The following CEACAM21 variants were observed in gnomAD, a reference collection of about 807,000 sequenced individuals.
CEACAM21 encodes the protein CEA cell adhesion molecule 21, also known as cell adhesion molecule CEACAM21.
In CEACAM21, 38 loss-of-function variants were observed where a neutral mutation model predicts 33.2. That is an observed-to-expected ratio of 1.14 (90% CI 0.88 to 1.50). CEACAM21 has a LOEUF of 1.50. Among genes scored for constraint, CEACAM21 ranks in the 40% most tolerant of loss-of-function variants. The pLI is 0.00. For missense variants in CEACAM21, 385 were observed against 364.6 expected (o/e 1.06, Z -0.46); for synonymous variants, 156 against 143.0 (o/e 1.09, Z -0.65).
At chr19:41,550,530 G>T (rs1165562105) in intron 1 of CEACAM21, 4 of 152,242 alleles carry the variant, frequency 2.6e-5, no homozygotes, top group Admixed American at 1.3e-4. Context: ...CAGCACTTTG[G>T]GAGGCTGAGA....
At chr19:41,551,160 C>CTTTTTT (rs201162244) in intron 1 of CEACAM21, 2 of 129,352 alleles carry the variant, frequency 1.5e-5, no homozygotes, top group Middle Eastern at 4.0e-3. Context: ...TTTCCTTTTC[C>CTTTTTT]TTTTTTTTTT....
chr19:41,567,751 T>C (rs1021318595), intron 2 of CEACAM21, among the ~76,000 whole-genome samples: 1 of 152,246 alleles, frequency 6.6e-6, no homozygotes, highest in African/African-American at 2.4e-5. Flanking sequence ...GCCAGAAATT[T>C]GGCTTATGGC....
Position 41,577,350 on chromosome 19 carries a change from C to A in CEACAM21, c.215C>A (p.Thr72Lys). Residue 72 changes from threonine to lysine, a missense_variant, in exon 2 of 7, where the codon ACG becomes AAG. Transcript: ENST00000401445. ...AGCTATGGCTGGTACAAAGGGAAAA[C>A]GGTGGAGCCCAACCAGCTAATCGCA... ...LYSYGWYKGKTVEPNQLIAAY... is the reference protein window; with the variant it reads ...LYSYGWYKGKKVEPNQLIAAY... 1 of 1,613,966 alleles carries A rather than the reference C, an allele frequency of 6.2e-7. No individual in the cohort carries two copies.
chr19:41,575,182 C>G (rs1259072236), upstream of CEACAM21, among the ~76,000 whole-genome samples: 1 of 150,656 alleles, frequency 6.6e-6, no homozygotes, highest in Non-Finnish European at 1.5e-5. Context: ...GTGGGTGGGG[C>G]AGGGGGAAGT....
At chr19:41,551,736 G>T (rs1023260640) in intron 1 of CEACAM21, 6 of 152,190 alleles carry the variant, frequency 3.9e-5, no homozygotes, top group African/African-American at 1.4e-4. Flanking sequence ...GCCTCAAGGG[G>T]CATTTCCTAA....
At chr19:41,580,848 C>T (rs985626174) in intron 3 of CEACAM21, among the ~76,000 whole-genome samples, 1 of 152,218 alleles carries the variant, frequency 6.6e-6, no homozygotes, top group African/African-American at 2.4e-5. Context: ...ACTCCAGGTC[C>T]CTCCCCAGGG....
intron 1 of CEACAM21, among the ~76,000 whole-genome samples, chr19:41,576,908 T>C (rs1555791252): frequency 1.3e-5 from 2 of 152,176 alleles, no homozygotes; most frequent in Non-Finnish European, 2.9e-5. Context: ...CCAGGGTCTC[T>C]AGAGGAGGCT....
intron 1 of CEACAM21, among the ~76,000 whole-genome samples, chr19:41,564,434 G>A (rs548273440): frequency 2.0e-5 from 3 of 152,094 alleles, no homozygotes; most frequent in East Asian, 3.9e-4. Flanking sequence ...CTGCGTTACC[G>A]TTCGGCAGGT....
chr19:41,576,478 A>G, intron 1 of CEACAM21, 140 bp downstream of exon 1: 1 of 885,672 alleles, frequency 1.1e-6, no homozygotes, highest in Non-Finnish European at 1.6e-6. Flanking sequence ...AAGGAGAACC[A>G]AAAAATCTAA....
chr19:41,565,918 C>G (rs1305749111), intron 2 of CEACAM21, among the ~76,000 whole-genome samples: 4 of 127,320 alleles, frequency 3.1e-5, no homozygotes, highest in Non-Finnish European at 4.6e-5. Flanking sequence ...AAACATCATT[C>G]GAAAGCCCAG....
At chr19:41,583,323 C>T (rs1481633725) in intron 3 of CEACAM21, among the ~76,000 whole-genome samples, 1 of 152,150 alleles carries the variant, frequency 6.6e-6, no homozygotes, top group Non-Finnish European at 1.5e-5. Flanking sequence ...TTAATCAAAA[C>T]CATTCAACAA....
Position 41,586,771 on chromosome 19 carries a change from GGGAAA to G in CEACAM21, c.*310_*314del, listed in dbSNP as rs1555795831. ...TCACCACAGGAAGTGGGGGCTTGCAGGGAAAGTGAATGGGCCTATGGCCCACCCGG... is the reference window on the plus strand; with the variant it reads ...TCACCACAGGAAGTGGGGGCTTGCAGGTGAATGGGCCTATGGCCCACCCGG... On this transcript the variant is annotated 3_prime_UTR_variant, in exon 7 of 7. Transcript: ENST00000401445. 1.8e-3 allele frequency: 615 copies of G among 350,768 alleles called. 7 individuals carry two copies. The highest frequency in any genetic ancestry group is 0.012 in the African/African-American group (553 of 46,868). The allele number at this position is 350,768 out of a possible 1,614,324, so 21.7% of individuals were successfully genotyped here. A position where few individuals can be genotyped will look rare whatever the true frequency, so the allele number is the denominator to read the frequency against.
At chr19:41,564,992 G>A (rs1555787955) in exon 2 of CEACAM21, 2 of 152,494 alleles carry the variant, frequency 1.3e-5, no homozygotes, top group African/African-American at 4.8e-5. Context: ...CTGAGGAGGA[G>A]AGGCCCGCGC....
rs117416787 is a variant in CEACAM21, at chr19:41,576,800, G to C, written c.65-400G>C. ...CCTCACAGAGCTCACAATCTCATGG[G>C]GGGGAAGACAGACACCCAAAGAGAT... On this transcript the variant is annotated intron_variant, in intron 1 of 6. Coordinates refer to ENST00000401445, the MANE Select transcript of CEACAM21 (RefSeq NM_001098506.4). Among the ~76,000 whole-genome samples the C allele has an allele frequency of 9.9e-5, 15 of 152,264 alleles. No homozygotes were observed. In the South Asian group the frequency reaches 1.9e-3, roughly 19 times the overall value.
At chr19:41,561,100 A>G (rs1041502969) in intron 1 of CEACAM21, among the ~76,000 whole-genome samples, 1 of 152,260 alleles carries the variant, frequency 6.6e-6, no homozygotes, top group Admixed American at 6.5e-5. Context: ...ATTGTTGAAC[A>G]AGGTTATCAG....
chr19:41,567,533 G>T (rs1391935892), intron 2 of CEACAM21, among the ~76,000 whole-genome samples: 1 of 152,210 alleles, frequency 6.6e-6, no homozygotes, highest in Admixed American at 6.5e-5. Context: ...CTGCATAAAA[G>T]GGTGCCCCCT....
At chr19:41,582,519 G>T (rs963949759) in intron 3 of CEACAM21, among the ~76,000 whole-genome samples, 2 of 152,202 alleles carry the variant, frequency 1.3e-5, no homozygotes, top group African/African-American at 4.8e-5. Flanking sequence ...CTCTGCTTCT[G>T]CAGCAAACTT....
chr19:41,569,897 T>C (rs2042494099), intron 2 of CEACAM21, among the ~76,000 whole-genome samples: 1 of 152,150 alleles, frequency 6.6e-6, no homozygotes, highest in Non-Finnish European at 1.5e-5. Context: ...ATTCCTGGCG[T>C]CCTCCCACAC....
intron 1 of CEACAM21, among the ~76,000 whole-genome samples, chr19:41,557,327 T>A (rs1169206923): frequency 1.3e-5 from 2 of 152,188 alleles, no homozygotes; most frequent in Non-Finnish European, 2.9e-5. Flanking sequence ...TCACTTAGAA[T>A]CCTTGTGTGT....
Sources: allele counts gnomAD v4.1 joint callset (sites outside exome capture counted in the v4.1 genomes callset), GRCh38; gene constraint gnomAD v4.1.1; transcripts MANE v1.5; gene names NCBI Gene and HGNC (gene_info 2026-07-23, HGNC 2026-07-21).